The following ANXA8 variants were observed in gnomAD, a reference collection of about 807,000 sequenced individuals.
ANXA8 encodes VAC-beta.
In ANXA8, 9 loss-of-function variants were observed where a neutral mutation model predicts 26.8. The observed-to-expected ratio is 0.34, with a 90% CI of 0.20 to 0.59. The LOEUF is 0.59. Among genes scored for constraint, ANXA8 ranks in the 20% least tolerant of loss-of-function variants. ANXA8 has a pLI of 0.84. For synonymous variants in ANXA8, 39 were observed against 94.8 expected, an observed-to-expected ratio of 0.41 and a Z score of 3.42; for missense variants, 83 against 238.5, an observed-to-expected ratio of 0.35 and a Z score of 4.29.
At chr10:47,558,762 C>A in the ANXA8 span, among the ~76,000 whole-genome samples, 1 of 151,874 alleles carries the variant, frequency 6.6e-6, no homozygotes, top group Non-Finnish European at 1.5e-5. Context: ...CTTCCTCCCC[C>A]TAGTTTCTGT....
chr10:47,699,053 G>A, the ANXA8 span, among the ~76,000 whole-genome samples: 61 of 151,712 alleles, frequency 4.0e-4, 2 homozygotes, highest in Non-Finnish European at 6.8e-4. Flanking sequence ...ACTTAGACAA[G>A]AAGAGGCATC....
chr10:47,560,590 C>T, the ANXA8 span, among the ~76,000 whole-genome samples: 1 of 151,882 alleles, frequency 6.6e-6, no homozygotes, highest in African/African-American at 2.4e-5. Context: ...TGTTTGACCA[C>T]TTGCAGGGCA....
At chr10:47,748,386 A>AT in the ANXA8 span, among the ~76,000 whole-genome samples, 4 of 149,750 alleles carry the variant, frequency 2.7e-5, no homozygotes, top group African/African-American at 9.8e-5. Flanking sequence ...TAATTTTTGG[A>AT]TTTTTTAGTG....
chr10:47,959,871 G>C, the ANXA8 span, among the ~76,000 whole-genome samples: 2 of 151,540 alleles, frequency 1.3e-5, no homozygotes, highest in Non-Finnish European at 2.9e-5. Flanking sequence ...GAGGCTGTCA[G>C]CTTCCACTTC....
At chr10:47,777,727 G>C in the ANXA8 span, among the ~76,000 whole-genome samples, 1 of 152,096 alleles carries the variant, frequency 6.6e-6, no homozygotes, top group South Asian at 2.1e-4. Flanking sequence ...TTTGTCCACT[G>C]CCTTCCATGG....
At chr10:47,944,363 C>A in the ANXA8 span, among the ~76,000 whole-genome samples, 1 of 149,562 alleles carries the variant, frequency 6.7e-6, no homozygotes, top group Admixed American at 6.6e-5. Flanking sequence ...CCCCCCGCAT[C>A]ATGCTGGCTT....
At chr10:47,952,133 A>G in the ANXA8 span, among the ~76,000 whole-genome samples, 5 of 151,222 alleles carry the variant, frequency 3.3e-5, 1 homozygote, top group East Asian at 1.0e-3. Flanking sequence ...TCAACCTGAA[A>G]AAATGCTGTC....
chr10:47,900,174 CTT>C, the ANXA8 span, among the ~76,000 whole-genome samples: 1 of 145,962 alleles, frequency 6.9e-6, no homozygotes, highest in Non-Finnish European at 1.5e-5. Flanking sequence ...ATACTTTTTT[CTT>C]TTTTTCTCAT....
the ANXA8 span, among the ~76,000 whole-genome samples, chr10:47,974,248 A>G: frequency 6.7e-6 from 1 of 148,504 alleles, no homozygotes; most frequent in East Asian, 2.1e-4. Flanking sequence ...ATGAATTGTA[A>G]TATCTTTGTC....
the ANXA8 span, among the ~76,000 whole-genome samples, chr10:47,776,188 T>C: frequency 6.6e-6 from 1 of 151,210 alleles, no homozygotes; most frequent in Non-Finnish European, 1.5e-5. Flanking sequence ...GACTTTTCAA[T>C]TCTGGTTCAA....
chr10:47,558,538 TGTGTGTG>T, the ANXA8 span, among the ~76,000 whole-genome samples: 1 of 138,386 alleles, frequency 7.2e-6, no homozygotes, highest in Non-Finnish European at 1.5e-5. Flanking sequence ...GATGTGTGTG[TGTGTGTG>T]TGTGTGTGTG....
the ANXA8 span, among the ~76,000 whole-genome samples, chr10:47,920,359 C>T: frequency 1.6e-5 from 1 of 61,260 alleles, no homozygotes; most frequent in Non-Finnish European, 3.3e-5. Flanking sequence ...GCTTCACCCT[C>T]CCATGTAGCT....
the ANXA8 span, among the ~76,000 whole-genome samples, chr10:47,736,740 T>C: frequency 6.9e-6 from 1 of 145,968 alleles, no homozygotes; most frequent in Non-Finnish European, 1.5e-5. Flanking sequence ...CTGCAACATC[T>C]GCCTCCTGGG....
chr10:47,502,734 C>A, the ANXA8 span: 1 of 1,596,190 alleles, frequency 6.3e-7, no homozygotes, highest in South Asian at 1.1e-5. Context: ...ACTGCAGGGC[C>A]ATGGCCTCAC....
At chr10:47,743,859 C>T in the ANXA8 span, among the ~76,000 whole-genome samples, 40 of 145,134 alleles carry the variant, frequency 2.8e-4, no homozygotes, top group African/African-American at 9.5e-4. Flanking sequence ...CTGCAGGCTC[C>T]GTCCCCACAG....
At chr10:47,485,835 G>A (rs1403990646), upstream of ANXA8, among the ~76,000 whole-genome samples, 122 of 152,022 alleles carry the variant, frequency 8.0e-4, 6 homozygotes, top group East Asian at 0.016. Flanking sequence ...TGGGCCAGGT[G>A]CGGTGGCTCA....
the ANXA8 span, among the ~76,000 whole-genome samples, chr10:47,709,877 A>G: frequency 1.3e-5 from 1 of 75,362 alleles, no homozygotes; most frequent in South Asian, 4.9e-4. Context: ...GGATTGGGGA[A>G]CCAATTGGCT....
chr10:47,936,767 C>T, the ANXA8 span, among the ~76,000 whole-genome samples: 40 of 151,406 alleles, frequency 2.6e-4, no homozygotes, highest in Admixed American at 7.9e-4. Flanking sequence ...GGTCCGGGGT[C>T]GCTCTCCTGG....
At chr10:47,746,859 G>A in the ANXA8 span, among the ~76,000 whole-genome samples, 3 of 101,820 alleles carry the variant, frequency 2.9e-5, no homozygotes, top group Non-Finnish European at 6.0e-5. Flanking sequence ...GGCTTCACCA[G>A]CTTTCCCAAG....
Sources: allele counts gnomAD v4.1 joint callset (sites outside exome capture counted in the v4.1 genomes callset), GRCh38; gene constraint gnomAD v4.1.1; transcripts MANE v1.5; gene names NCBI Gene and HGNC (gene_info 2026-07-23, HGNC 2026-07-21).